The following FGGY variants were observed in gnomAD, a reference collection of about 807,000 sequenced individuals.
FGGY encodes the protein FGGY carbohydrate kinase domain-containing protein.
FGGY carries 72 observed loss-of-function variants against 71.3 expected under a neutral mutation model. The ratio of observed to expected loss-of-function variants is 1.01; its 90% confidence interval spans 0.84 to 1.23. The LOEUF is 1.23. Among genes scored for constraint, FGGY ranks in the 50% most tolerant of loss-of-function variants. The pLI is 0.00. For synonymous variants in FGGY, 251 were observed against 250.3 expected (o/e 1.00, Z -0.02); for missense variants, 668 against 682.3 (o/e 0.98, Z 0.23).
chr1:59,417,239 TGTA>T (rs939733647), intron 5 of FGGY, among the ~76,000 whole-genome samples: 5 of 151,368 alleles, frequency 3.3e-5, no homozygotes, highest in East Asian at 3.9e-4. Context: ...TCATCTATGT[TGTA>T]GTATGTGCCA....
chr1:59,741,577 G>A (rs2098147644), intron 14 of FGGY, among the ~76,000 whole-genome samples: 1 of 151,982 alleles, frequency 6.6e-6, no homozygotes, highest in Admixed American at 6.6e-5. Context: ...GCTAAAGCAG[G>A]AAGATTGCTT....
intron 14 of FGGY, among the ~76,000 whole-genome samples, chr1:59,748,120 T>C (rs2098215494): frequency 6.6e-6 from 1 of 152,080 alleles, no homozygotes; most frequent in African/African-American, 2.4e-5. Flanking sequence ...AACTTGCACT[T>C]TCACCTTACA....
At chr1:59,452,000 A>G (rs944213828) in intron 5 of FGGY, among the ~76,000 whole-genome samples, 1 of 152,022 alleles carries the variant, frequency 6.6e-6, no homozygotes, top group Non-Finnish European at 1.5e-5. Context: ...CTGTGGGCTT[A>G]AATCTTACTT....
intron 7 of FGGY, among the ~76,000 whole-genome samples, chr1:59,529,390 C>A (rs2095079024): frequency 2.0e-5 from 3 of 152,146 alleles, no homozygotes; most frequent in African/African-American, 7.2e-5. Flanking sequence ...GCAGTGAGAA[C>A]CCCCTGAGGT....
chr1:59,518,075 G>A (rs1403951751), intron 7 of FGGY, among the ~76,000 whole-genome samples: 1 of 152,194 alleles, frequency 6.6e-6, no homozygotes, highest in African/African-American at 2.4e-5. Flanking sequence ...TGTTGAACTG[G>A]CTTAAATTGC....
At chr1:59,472,390 G>A (rs1158325426) in intron 6 of FGGY, among the ~76,000 whole-genome samples, 2 of 152,202 alleles carry the variant, frequency 1.3e-5, no homozygotes, top group African/African-American at 4.8e-5. Context: ...CTCCTGTGGG[G>A]CCCGAGCCTC....
rs188444569 is a variant in FGGY at position 59,706,437 on chromosome 1, A to G, written c.1512+32304A>G. Among the ~76,000 whole-genome samples, 14 of 152,366 alleles carry G rather than the reference A, an allele frequency of 9.2e-5. No homozygotes were observed. In the South Asian group the frequency reaches 2.3e-3, roughly 25 times the overall value. On this transcript the variant is annotated intron_variant, in intron 14 of 15. Coordinates refer to ENST00000303721, the MANE Select transcript of FGGY (RefSeq NM_018291.5). ...TCACTATTTATAAAGTACTTGGCAC[A>G]TAGTACAGTACTCAGGGAGCTACTA...
intron 2 of FGGY, among the ~76,000 whole-genome samples, chr1:59,333,879 T>G (rs1344015544): frequency 6.6e-6 from 1 of 152,208 alleles, no homozygotes; most frequent in Non-Finnish European, 1.5e-5. Context: ...CACTTGGTAC[T>G]GTGGGTCAAG....
chr1:59,348,877 T>G (rs2052666749), intron 4 of FGGY, among the ~76,000 whole-genome samples: 1 of 152,172 alleles, frequency 6.6e-6, no homozygotes, highest in South Asian at 2.1e-4. Flanking sequence ...AGAATCTAAT[T>G]CTGACTCTAC....
rs536358649 is a variant in FGGY, at chr1:59,680,488, GAA to G, written c.1512+6368_1512+6369del. 6.4e-5 allele frequency among the ~76,000 whole-genome samples: 5 copies of G among 77,952 alleles called. 1 individual carries two copies. Among genetic ancestry groups the G allele is most frequent in the African/African-American group, 2.3e-4 (5 of 21,734 alleles). The allele number at this position is 77,952 out of a possible 152,430, so 51.1% of individuals were successfully genotyped here. A position where few individuals can be genotyped will look rare whatever the true frequency, so the allele number is the denominator to read the frequency against. Reference sequence around the variant, plus strand: ...TTTAAGAGTTTTTTCGACCCCTCCAGAAAAAAAAAAAAAATAGAATAAAACAA... The same window carrying G: ...TTTAAGAGTTTTTTCGACCCCTCCAGAAAAAAAAAAAATAGAATAAAACAA... On this transcript the variant is annotated intron_variant, in intron 14 of 15. Coordinates refer to ENST00000303721, the MANE Select transcript of FGGY (RefSeq NM_018291.5).
chr1:59,300,985 C>G (rs2042664371), intron 1 of FGGY, among the ~76,000 whole-genome samples: 1 of 152,070 alleles, frequency 6.6e-6, no homozygotes. Context: ...TTTATAATCA[C>G]TTTGTCCATT....
At chr1:59,408,807 G>A (rs1390317828) in intron 5 of FGGY, among the ~76,000 whole-genome samples, 1 of 152,112 alleles carries the variant, frequency 6.6e-6, no homozygotes, top group Non-Finnish European at 1.5e-5. Context: ...TTATGCATGG[G>A]CTTTCAAGCT....
chr1:59,706,956 G>T (rs966289949), intron 14 of FGGY, among the ~76,000 whole-genome samples: 8 of 152,122 alleles, frequency 5.3e-5, no homozygotes, highest in African/African-American at 1.9e-4. Flanking sequence ...TGTAGTCAGG[G>T]GTCCCTGGGC....
chr1:59,319,829 T>A (rs6676720), intron 1 of FGGY, among the ~76,000 whole-genome samples: 100 of 152,122 alleles, frequency 6.6e-4, no homozygotes, highest in African/African-American at 2.2e-3. Flanking sequence ...TCAAAGCTGG[T>A]GGTTTTCAGT....
chr1:59,574,641 CTG>C (rs1407041449), intron 8 of FGGY, among the ~76,000 whole-genome samples: 1 of 152,094 alleles, frequency 6.6e-6, no homozygotes, highest in Non-Finnish European at 1.5e-5. Context: ...CTTCTGCACT[CTG>C]TGTATAGTGA....
At chr1:59,719,873 T>C (rs2097873799) in intron 14 of FGGY, among the ~76,000 whole-genome samples, 1 of 152,222 alleles carries the variant, frequency 6.6e-6, no homozygotes, top group Non-Finnish European at 1.5e-5. Flanking sequence ...AGACATGACC[T>C]GTGATTGAGT....
chr1:59,489,019 T>G (rs1419019468), intron 6 of FGGY, among the ~76,000 whole-genome samples: 3 of 152,134 alleles, frequency 2.0e-5, no homozygotes, highest in South Asian at 4.1e-4. Flanking sequence ...ATGTTATTCA[T>G]GTATATCTTC....
chr1:59,311,048 A>G (rs12567231), intron 1 of FGGY, among the ~76,000 whole-genome samples: 16,293 of 152,132 alleles, frequency 0.11, 897 homozygotes, highest in Middle Eastern at 0.12. Flanking sequence ...TTATCGTGAC[A>G]TCAGGTAGTC....
intron 8 of FGGY, among the ~76,000 whole-genome samples, chr1:59,583,899 G>C (rs2096238516): frequency 6.9e-6 from 1 of 144,260 alleles, no homozygotes; most frequent in Admixed American, 6.8e-5. Context: ...AAGCAGGTCT[G>C]ATGCAGCTGA....
Sources: gnomAD v4.1 joint callset for allele counts (sites outside exome capture counted in the v4.1 genomes callset) on GRCh38, gnomAD v4.1.1 for gene constraint, MANE v1.5 for transcripts, NCBI Gene and HGNC (gene_info 2026-07-23, HGNC 2026-07-21) for gene names.